GLUD1: variants seen among roughly 807,000 people sequenced by gnomAD.
GLUD1 encodes the protein glutamate dehydrogenase 1, mitochondrial.
GLUD1 carries 22 observed loss-of-function variants against 56.0 expected under a neutral mutation model. That is an observed-to-expected ratio of 0.39 (90% confidence interval 0.28 to 0.56). The LOEUF (loss-of-function observed/expected upper bound fraction) is 0.56, where lower values mean the gene tolerates loss of function less well. Ranked by LOEUF, GLUD1 falls within the 20% of genes least tolerant of loss-of-function variation. GLUD1 has a pLI of 0.58. For synonymous variants in GLUD1, 223 were observed against 269.9 expected (o/e 0.83, Z 1.70); for missense variants, 451 against 732.0 (o/e 0.62, Z 4.43).
intron 4 of GLUD1, among the ~76,000 whole-genome samples, chr10:87,072,941 A>G (rs1397827757): frequency 6.6e-6 from 1 of 152,234 alleles, no homozygotes; most frequent in African/African-American, 2.4e-5. Flanking sequence ...AACTTACGTT[A>G]ACAGACTCCA....
intron 1 of GLUD1, chr10:87,093,825 T>C: frequency 9.8e-6 from 9 of 921,620 alleles, no homozygotes; most frequent in Non-Finnish European, 1.4e-5. Context: ...GATTTCAAAC[T>C]TAGAAGCCAA....
Position 87,067,470 on chromosome 10 carries a change from C to T in GLUD1, c.741+593G>A, listed in dbSNP as rs1846109706. ...CGAACTCCTGGGCTCAAGTGATCCA[C>T]CTGCCTTGGCCACCCAAAGTGCTGG... On this transcript the variant is annotated intron_variant, in intron 5 of 12. Transcript: ENST00000277865. 2.0e-5 allele frequency among the ~76,000 whole-genome samples: 3 copies of T among 152,362 alleles called. No homozygotes were observed. The South Asian group carries it at 6.2e-4, about 32-fold the overall frequency.
intron 1 of GLUD1, among the ~76,000 whole-genome samples, chr10:87,081,885 A>G (rs890698579): frequency 7.1e-6 from 1 of 140,336 alleles, no homozygotes; most frequent in Non-Finnish European, 1.5e-5. Flanking sequence ...CCTTCCCTCC[A>G]CTATTGTCCT....
chr10:87,093,942 A>G (rs1050293176), intron 1 of GLUD1: 2 of 1,365,716 alleles, frequency 1.5e-6, no homozygotes, highest in Non-Finnish European at 1.9e-6. Context: ...CAAAAGCCCA[A>G]GAACACTGAC....
chr10:87,072,041 G>C (rs1846253444), intron 4 of GLUD1, among the ~76,000 whole-genome samples: 1 of 152,322 alleles, frequency 6.6e-6, no homozygotes, highest in East Asian at 1.9e-4. Flanking sequence ...GGGAAGCTGA[G>C]GTGGGAAGAC....
At chr10:87,090,180 G>C (rs1192079473) in intron 1 of GLUD1, among the ~76,000 whole-genome samples, 3 of 152,170 alleles carry the variant, frequency 2.0e-5, no homozygotes, top group Non-Finnish European at 4.4e-5. Context: ...AGAACCCTTA[G>C]TATTTTTAAC....
At position 87,076,674 on chromosome 10, in the gene GLUD1, A is replaced by T. The variant is rs759280719; in HGVS notation, c.446-18T>A. 2 of 1,484,898 alleles carry T rather than the reference A, an allele frequency of 1.3e-6. No individual in the cohort carries two copies. The highest frequency in any genetic ancestry group is 1.9e-6 in the Non-Finnish European group (2 of 1,061,922). The allele number at this position is 1,484,898 out of a possible 1,614,324, so 92.0% of individuals were successfully genotyped here. On this transcript the variant is annotated intron_variant, in intron 1 of 12. Transcript: ENST00000277865. ...ACGGATACCTGGTGGTGTTTTTAAA[A>T]AAATGTGTTGGGGTGGGTGAGAAAG...
At chr10:87,086,439 C>T (rs1841383069) in intron 1 of GLUD1, among the ~76,000 whole-genome samples, 1 of 152,116 alleles carries the variant, frequency 6.6e-6, no homozygotes, top group Admixed American at 6.6e-5. Flanking sequence ...TTTTCATTCT[C>T]TGCTATTAAC....
intron 5 of GLUD1, 150 bp downstream of exon 5, chr10:87,067,913 G>A: frequency 1.5e-6 from 1 of 659,208 alleles, no homozygotes; most frequent in Admixed American, 2.1e-5. Context: ...TTTAAGAATA[G>A]ACAAGTAGAC....
chr10:87,054,377 G>A (rs1481723772), intron 11 of GLUD1, among the ~76,000 whole-genome samples: 1 of 152,204 alleles, frequency 6.6e-6, no homozygotes, highest in Non-Finnish European at 1.5e-5. Flanking sequence ...TTAGGAGAGT[G>A]AAGAGTTGAA....
At chr10:87,076,182 C>T (rs1846388856) in intron 2 of GLUD1, among the ~76,000 whole-genome samples, 159 bp from the exon 3 acceptor site, 1 of 152,146 alleles carries the variant, frequency 6.6e-6, no homozygotes. Context: ...GTACTTTAAA[C>T]AACATTTTGT....
chr10:87,087,460 CA>C (rs1841409995), intron 1 of GLUD1, among the ~76,000 whole-genome samples: 1 of 152,124 alleles, frequency 6.6e-6, no homozygotes, highest in Non-Finnish European at 1.5e-5. Context: ...CTGAAAGTTC[CA>C]AATTTCTAAT....
intron 6 of GLUD1, among the ~76,000 whole-genome samples, chr10:87,061,619 AT>A (rs879261811): frequency 1.3e-3 from 188 of 142,388 alleles, no homozygotes; most frequent in Middle Eastern, 3.5e-3. Context: ...GAGAAATACA[AT>A]TTTTTTTTTT....
At chr10:87,085,271 G>A (rs1414407220) in intron 1 of GLUD1, among the ~76,000 whole-genome samples, 4 of 151,784 alleles carry the variant, frequency 2.6e-5, no homozygotes, top group South Asian at 4.2e-4. Flanking sequence ...GCTTAAACCT[G>A]GGAGACCGAG....
intron 12 of GLUD1, among the ~76,000 whole-genome samples, chr10:87,052,810 G>A (rs1845673636): frequency 1.3e-5 from 2 of 151,070 alleles, no homozygotes; most frequent in Non-Finnish European, 2.9e-5. Flanking sequence ...ACCCTATCTC[G>A]ATCAAAAATT....
At chr10:87,056,777 G>T (rs1845787274) in intron 11 of GLUD1, among the ~76,000 whole-genome samples, 1 of 151,536 alleles carries the variant, frequency 6.6e-6, no homozygotes, top group Admixed American at 6.6e-5. Context: ...AGGTACAACT[G>T]TTTCACCACA....
At chr10:87,093,809 T>C (rs1841611841) in intron 1 of GLUD1, 2 of 692,410 alleles carry the variant, frequency 2.9e-6, no homozygotes, top group African/African-American at 1.8e-5. Context: ...TTAATAAAAC[T>C]GTCTAGATTT....
Position 87,094,171 on chromosome 10 carries a change from C to T in GLUD1, c.445+154G>A. ...GCGGAAAAATCACCATCCACAGAGC[C>T]GGCCACATCCGAGGCGGGGTGACCC... On this transcript the variant is annotated intron_variant, in intron 1 of 12. Coordinates refer to ENST00000277865, the MANE Select transcript of GLUD1 (RefSeq NM_005271.5). This position sits in a 1 kb window ranked among gnomAD's most constrained non-coding sequence, Gnocchi z 6.6. 7.2e-7 allele frequency: 1 copy of T among 1,390,170 alleles called. No individual in the cohort carries two copies. Among genetic ancestry groups the T allele is most frequent in the Non-Finnish European group, 9.5e-7 (1 of 1,047,468 alleles). 86.1% of individuals were successfully genotyped at this position (1,390,170 alleles called of 1,614,324 possible).
At chr10:87,053,780 G>A (rs1845698442) in intron 11 of GLUD1, among the ~76,000 whole-genome samples, 2 of 152,152 alleles carry the variant, frequency 1.3e-5, no homozygotes, top group South Asian at 2.1e-4. Flanking sequence ...CGGTGCGTTC[G>A]CCTCAGCTCC....
Sources: allele counts gnomAD v4.1 joint callset (sites outside exome capture counted in the v4.1 genomes callset), GRCh38; gene constraint gnomAD v4.1.1; non-coding constraint Gnocchi (gnomAD v3.1); transcripts MANE v1.5; gene names NCBI Gene and HGNC (gene_info 2026-07-23, HGNC 2026-07-21).